The following CSNK1G3 variants were observed in gnomAD, a reference collection of about 807,000 sequenced individuals.
The protein encoded by CSNK1G3 is casein kinase I isoform gamma-3.
In CSNK1G3, 23 loss-of-function variants were observed where a neutral mutation model predicts 64.3. The ratio of observed to expected loss-of-function variants is 0.36; its 90% CI spans 0.26 to 0.51. The LOEUF (loss-of-function observed/expected upper bound fraction) is 0.51, where lower values mean the gene tolerates loss of function less well. Ranked by LOEUF, CSNK1G3 falls within the 20% of genes least tolerant of loss-of-function variation. The pLI, the probability that CSNK1G3 is intolerant of heterozygous loss-of-function variation, is 0.96. For missense variants in CSNK1G3, 357 were observed against 510.5 expected (o/e 0.70, Z 2.90); for synonymous variants, 158 against 162.2 (o/e 0.97, Z 0.20).
At chr5:123,601,927 T>C (rs1794569932) in intron 10 of CSNK1G3, among the ~76,000 whole-genome samples, 1 of 152,196 alleles carries the variant, frequency 6.6e-6, no homozygotes, top group Non-Finnish European at 1.5e-5. Context: ...ATAAGAATAC[T>C]ACTTTGTGTC....
At chr5:123,601,948 T>C (rs778993235) in intron 10 of CSNK1G3, among the ~76,000 whole-genome samples, 1 of 152,106 alleles carries the variant, frequency 6.6e-6, no homozygotes, top group Non-Finnish European at 1.5e-5. Flanking sequence ...TCCTTTCCAA[T>C]TTAGTGCAGA....
intron 1 of CSNK1G3, among the ~76,000 whole-genome samples, chr5:123,528,491 C>T (rs1779421541): frequency 1.3e-5 from 2 of 151,954 alleles, no homozygotes; most frequent in South Asian, 4.2e-4. Flanking sequence ...ACTTTTTTTC[C>T]TTGAGGACAT....
intron 4 of CSNK1G3, among the ~76,000 whole-genome samples, chr5:123,561,670 T>C (rs548343895): frequency 6.6e-6 from 1 of 152,316 alleles, no homozygotes; most frequent in South Asian, 2.1e-4. Flanking sequence ...ATCTCCTGCT[T>C]CTATTCTTAA....
At chr5:123,554,229 G>T (rs1452645005) in intron 3 of CSNK1G3, among the ~76,000 whole-genome samples, 1 of 152,180 alleles carries the variant, frequency 6.6e-6, no homozygotes, top group Non-Finnish European at 1.5e-5. Flanking sequence ...TGGCTGACAT[G>T]TGGCTTTAGA....
At chr5:123,590,024 C>T (rs766916490) in intron 8 of CSNK1G3, among the ~76,000 whole-genome samples, 18 of 151,914 alleles carry the variant, frequency 1.2e-4, no homozygotes, top group East Asian at 3.9e-4. Context: ...CAGTTCTCAC[C>T]GGTATTTTAA....
At chr5:123,521,343 GTA>G (rs1379613842) in intron 1 of CSNK1G3, among the ~76,000 whole-genome samples, 4 of 152,010 alleles carry the variant, frequency 2.6e-5, no homozygotes, top group Admixed American at 6.5e-5. Flanking sequence ...TGTCATACGA[GTA>G]TCAGGATATA....
intron 1 of CSNK1G3, among the ~76,000 whole-genome samples, chr5:123,517,931 GAAAA>G (rs529062252): frequency 9.4e-6 from 1 of 106,488 alleles, no homozygotes; most frequent in Admixed American, 1.0e-4. Flanking sequence ...TCCTCTTTAA[GAAAA>G]AAAAAAAAAA....
intron 4 of CSNK1G3, among the ~76,000 whole-genome samples, chr5:123,559,988 G>A (rs1785369332): frequency 6.6e-6 from 1 of 151,894 alleles, no homozygotes; most frequent in East Asian, 1.9e-4. Context: ...ATATATTTAA[G>A]TAATATCCAG....
chr5:123,519,306 G>A (rs775879480), intron 1 of CSNK1G3, among the ~76,000 whole-genome samples: 11 of 152,188 alleles, frequency 7.2e-5, no homozygotes, highest in Non-Finnish European at 1.5e-4. Flanking sequence ...TGCCTGCCTC[G>A]GTCTCCCAAA....
At chr5:123,593,234 T>C (rs1453066644) in intron 10 of CSNK1G3, among the ~76,000 whole-genome samples, 1 of 143,856 alleles carries the variant, frequency 7.0e-6, no homozygotes, top group Non-Finnish European at 1.5e-5. Context: ...CACACATATA[T>C]ATAATATTTA....
chr5:123,601,837 G>A (rs1423627736), intron 10 of CSNK1G3, among the ~76,000 whole-genome samples: 1 of 152,108 alleles, frequency 6.6e-6, no homozygotes, highest in African/African-American at 2.4e-5. Context: ...TGAGAAAAGA[G>A]CAGTGGAAAT....
At chr5:123,554,480 A>G (rs965306041) in intron 3 of CSNK1G3, among the ~76,000 whole-genome samples, 1 of 152,222 alleles carries the variant, frequency 6.6e-6, no homozygotes, top group Non-Finnish European at 1.5e-5. Flanking sequence ...ATAGAAAGCC[A>G]AGTTAAAATT....
Position 123,565,427 on chromosome 5 carries a change from TA to T in CSNK1G3, c.289+7871del, listed in dbSNP as rs567461127. 3.3e-3 allele frequency among the ~76,000 whole-genome samples: 495 copies of T among 152,016 alleles called. 4 individuals carry two copies. The highest frequency in any genetic ancestry group is 5.2e-3 in the Admixed American group (79 of 15,262). On this transcript the variant is annotated intron_variant, in intron 4 of 12. Coordinates refer to ENST00000345990, the Ensembl canonical transcript of CSNK1G3. ...AGAATGCCTTAATGCAAAATTACCCTAAAAAAAAGATAGGGTGATACTGTGT... is the reference window on the plus strand; with the variant it reads ...AGAATGCCTTAATGCAAAATTACCCTAAAAAAAGATAGGGTGATACTGTGT...
chr5:123,526,831 A>T (rs1450574238), intron 1 of CSNK1G3, among the ~76,000 whole-genome samples: 3 of 143,134 alleles, frequency 2.1e-5, no homozygotes, highest in Non-Finnish European at 4.5e-5. Context: ...TGTTTCATTC[A>T]TGTACAGATT....
chr5:123,525,575 G>A (rs865864261), intron 1 of CSNK1G3, among the ~76,000 whole-genome samples: 10 of 152,032 alleles, frequency 6.6e-5, no homozygotes, highest in African/African-American at 2.4e-4. Context: ...GATTACAGGC[G>A]TGAGGCACCA....
chr5:123,591,456 T>C, intron 10 of CSNK1G3, 42 bp downstream of exon 10: 1 of 1,305,356 alleles, frequency 7.7e-7, no homozygotes, highest in Non-Finnish European at 1.1e-6. Context: ...CTTTCATGAT[T>C]GAAACATACA....
intron 1 of CSNK1G3, among the ~76,000 whole-genome samples, chr5:123,532,901 T>G (rs1051002931): frequency 2.0e-5 from 3 of 151,846 alleles, no homozygotes; most frequent in African/African-American, 7.2e-5. Context: ...AGAACCAGTT[T>G]TAGTTATTTT....
chr5:123,520,593 A>C (rs950287296), intron 1 of CSNK1G3, among the ~76,000 whole-genome samples: 1 of 152,000 alleles, frequency 6.6e-6, no homozygotes, highest in East Asian at 1.9e-4. Flanking sequence ...GTGTGCCTCA[A>C]ATGTATTGAT....
chr5:123,523,234 T>G (rs1778455972), intron 1 of CSNK1G3, among the ~76,000 whole-genome samples: 1 of 152,200 alleles, frequency 6.6e-6, no homozygotes, highest in African/African-American at 2.4e-5. Flanking sequence ...AGTTATAGTA[T>G]ATTGTGTTTA....
Sources: gnomAD v4.1 joint callset for allele counts (sites outside exome capture counted in the v4.1 genomes callset) on GRCh38, gnomAD v4.1.1 for gene constraint, MANE v1.5 for transcripts, NCBI Gene and HGNC (gene_info 2026-07-23, HGNC 2026-07-21) for gene names.